PRKCB: variants seen among roughly 807,000 people sequenced by gnomAD.
PRKCB encodes protein kinase C beta.
Under a neutral mutation model 81.5 loss-of-function variants are expected in PRKCB, and 13 were observed. The observed-to-expected ratio is 0.16, with a 90% CI of 0.10 to 0.25. The LOEUF is 0.25. Ranked by LOEUF, PRKCB falls within the 10% of genes least tolerant of loss-of-function variation. PRKCB has a pLI of 1.00. For synonymous variants in PRKCB, 335 were observed against 321.4 expected, an observed-to-expected ratio of 1.04 and a Z score of -0.45; for missense variants, 509 against 875.7, an observed-to-expected ratio of 0.58 and a Z score of 5.29.
chr16:24,129,183 C>T (rs1027063774), intron 9 of PRKCB, among the ~76,000 whole-genome samples: 1 of 152,082 alleles, frequency 6.6e-6, no homozygotes, highest in African/African-American at 2.4e-5. Flanking sequence ...TTTGTATGAT[C>T]CACGTCTTTA....
chr16:24,066,696 C>T (rs1966039354), intron 5 of PRKCB, among the ~76,000 whole-genome samples: 1 of 151,874 alleles, frequency 6.6e-6, no homozygotes, highest in African/African-American at 2.4e-5. Flanking sequence ...ATTAAGTTGT[C>T]ATGTTTCCTA....
intron 2 of PRKCB, among the ~76,000 whole-genome samples, chr16:23,939,733 A>T (rs1964113520): frequency 6.6e-6 from 1 of 152,230 alleles, no homozygotes; most frequent in African/African-American, 2.4e-5. Context: ...AATGTAAAAT[A>T]TAAAACTATA....
Position 23,856,485 on chromosome 16 carries a change from A to G in PRKCB, c.205+19079A>G, listed in dbSNP as rs1203327841. ...TGAAGAAAGCAGAACAGAAAATATCACAGTGCATCACTCTCAGGAAGGGTA... is the reference window on the plus strand; with the variant it reads ...TGAAGAAAGCAGAACAGAAAATATCGCAGTGCATCACTCTCAGGAAGGGTA... On this transcript the variant is annotated intron_variant, in intron 2 of 16. Coordinates refer to ENST00000643927, the MANE Select transcript of PRKCB (RefSeq NM_002738.7). 2.0e-5 allele frequency among the ~76,000 whole-genome samples: 3 copies of G among 151,910 alleles called. No homozygotes were observed. The East Asian group carries it at 5.8e-4, about 29-fold the overall frequency.
At chr16:23,924,367 A>G (rs182730387) in intron 2 of PRKCB, among the ~76,000 whole-genome samples, 130 of 152,156 alleles carry the variant, frequency 8.5e-4, no homozygotes, top group Admixed American at 8.4e-3. Context: ...TAGTATCAAG[A>G]TAGCAGTGTG....
chr16:24,158,967 C>T (rs1422757882), intron 10 of PRKCB, among the ~76,000 whole-genome samples: 2 of 152,142 alleles, frequency 1.3e-5, no homozygotes, highest in South Asian at 2.1e-4. Flanking sequence ...AGCCTGAAGT[C>T]TTTTGAGTGT....
chr16:24,151,444 A>G (rs1380220362), intron 9 of PRKCB, among the ~76,000 whole-genome samples: 1 of 152,244 alleles, frequency 6.6e-6, no homozygotes, highest in African/African-American at 2.4e-5. Context: ...TAAGCAAATA[A>G]CAGTTTAGGT....
Position 24,218,711 on chromosome 16 carries a change from C to T in PRKCB, c.*3895C>T. On this transcript the variant is annotated 3_prime_UTR_variant, in exon 17 of 17. Coordinates refer to ENST00000643927, the MANE Select transcript of PRKCB (RefSeq NM_002738.7). ...AAACCTAAAGCCTGGGTGGTGATGG[C>T]TCAAACGCTAATGAGTCAGTGAATC... is the stretch of plus-strand genomic sequence containing the variant. 1.0e-6 allele frequency: 1 copy of T among 985,504 alleles called. No homozygotes were observed. Among genetic ancestry groups the T allele is most frequent in the Non-Finnish European group, 1.2e-6 (1 of 829,988 alleles). The allele number at this position is 985,504 out of a possible 1,614,324, so 61.0% of individuals were successfully genotyped here.
At chr16:24,190,978 G>A (rs1967783434) in intron 15 of PRKCB, 112 bp from the exon 16 acceptor site, 2 of 1,325,790 alleles carry the variant, frequency 1.5e-6, no homozygotes, top group Non-Finnish European at 2.1e-6. Context: ...AAAATGAGTT[G>A]AGATTCTTCA....
intron 9 of PRKCB, among the ~76,000 whole-genome samples, chr16:24,125,910 G>A (rs986389973): frequency 1.3e-5 from 2 of 152,226 alleles, no homozygotes; most frequent in Non-Finnish European, 2.9e-5. Context: ...GTTGGGAATA[G>A]GCAGTTGGCA....
chr16:24,060,797 G>C (rs1483539301), intron 5 of PRKCB, among the ~76,000 whole-genome samples: 2 of 152,214 alleles, frequency 1.3e-5, no homozygotes, highest in African/African-American at 4.8e-5. Context: ...TGACACCTCT[G>C]TTGCAGCTAC....
At chr16:23,994,066 T>C (rs1335671846) in intron 3 of PRKCB, among the ~76,000 whole-genome samples, 2 of 152,226 alleles carry the variant, frequency 1.3e-5, no homozygotes, top group African/African-American at 4.8e-5. Flanking sequence ...GTTTATCCTG[T>C]TAATCTTTCT....
intron 5 of PRKCB, among the ~76,000 whole-genome samples, chr16:24,064,125 T>C (rs911042291): frequency 1.2e-4 from 18 of 151,876 alleles, no homozygotes; most frequent in African/African-American, 3.1e-4. Context: ...TACCTGGCAG[T>C]TGGGGAGGAG....
At chr16:23,919,387 C>CA (rs55957044) in intron 2 of PRKCB, among the ~76,000 whole-genome samples, 86,179 of 146,030 alleles carry the variant, frequency 0.59, 25,600 homozygotes, top group Admixed American at 0.67. Flanking sequence ...GACGAATTTG[C>CA]AAAAAAAAAA....
chr16:23,979,232 G>C (rs1324225218), intron 2 of PRKCB, among the ~76,000 whole-genome samples: 1 of 152,184 alleles, frequency 6.6e-6, no homozygotes, highest in Admixed American at 6.5e-5. Context: ...AGGTCACACA[G>C]CTAATCAACA....
At chr16:23,987,973 G>A (rs1313948103) in intron 2 of PRKCB, among the ~76,000 whole-genome samples, 4 of 152,258 alleles carry the variant, frequency 2.6e-5, no homozygotes, top group East Asian at 1.9e-4. Context: ...CAATGTAAAC[G>A]TTGCTGCCTA....
intron 4 of PRKCB, among the ~76,000 whole-genome samples, chr16:24,034,856 G>A (rs894919052): frequency 2.8e-4 from 43 of 152,178 alleles, no homozygotes; most frequent in African/African-American, 9.2e-4. Context: ...TTGCATCCAC[G>A]TGGCAAACGA....
intron 13 of PRKCB, among the ~76,000 whole-genome samples, chr16:24,184,791 A>G (rs1967678313): frequency 6.6e-6 from 1 of 152,034 alleles, no homozygotes; most frequent in South Asian, 2.1e-4. Flanking sequence ...AGTGTTAAGT[A>G]TATTTACATT....
chr16:23,893,917 A>G (rs147399464), intron 2 of PRKCB: 18 of 152,334 alleles, frequency 1.2e-4, no homozygotes, highest in Non-Finnish European at 2.1e-4. Flanking sequence ...AAGTTCATGT[A>G]TTAGTTAGGT....
intron 10 of PRKCB, among the ~76,000 whole-genome samples, chr16:24,157,669 T>A (rs558163060): frequency 2.7e-5 from 4 of 149,012 alleles, no homozygotes; most frequent in African/African-American, 1.0e-4. Context: ...TGGAGACCAA[T>A]GCAAGTAATT....
Sources: allele counts gnomAD v4.1 joint callset (sites outside exome capture counted in the v4.1 genomes callset), GRCh38; gene constraint gnomAD v4.1.1; transcripts MANE v1.5; gene names NCBI Gene and HGNC (gene_info 2026-07-23, HGNC 2026-07-21).